Variants in CTNNBL1 observed in about 807,000 individuals in gnomAD.
CTNNBL1 encodes the protein beta-catenin-like protein 1.
In CTNNBL1, 31 loss-of-function variants were observed where a neutral mutation model predicts 72.7. The observed-to-expected ratio is 0.43, with a 90% CI of 0.32 to 0.58. The LOEUF (loss-of-function observed/expected upper bound fraction) is 0.58. Ranked by LOEUF, CTNNBL1 falls within the 20% of genes least tolerant of loss-of-function variation. The pLI, the probability that CTNNBL1 is intolerant of heterozygous loss-of-function variation, is 0.08. For missense variants in CTNNBL1, 534 were observed against 725.1 expected, an observed-to-expected ratio of 0.74 and a Z score of 3.03; for synonymous variants, 240 against 267.3, an observed-to-expected ratio of 0.90 and a Z score of 1.00.
intron 1 of CTNNBL1, among the ~76,000 whole-genome samples, chr20:37,700,094 G>C (rs1212076201): frequency 6.6e-6 from 1 of 152,160 alleles, no homozygotes; most frequent in Non-Finnish European, 1.5e-5. Flanking sequence ...TCATGTGGTA[G>C]ACTGAGTGGG....
At chr20:37,776,384 G>A (rs1226884385) in intron 7 of CTNNBL1, among the ~76,000 whole-genome samples, 2 of 152,136 alleles carry the variant, frequency 1.3e-5, no homozygotes, top group Non-Finnish European at 2.9e-5. Context: ...TGTGAATGGC[G>A]GTAAGGTGAC....
At chr20:37,719,801 C>T (rs1198033667) in intron 1 of CTNNBL1, among the ~76,000 whole-genome samples, 1 of 151,682 alleles carries the variant, frequency 6.6e-6, no homozygotes, top group African/African-American at 2.4e-5. Flanking sequence ...TCATGGCTGA[C>T]ATTTATACAA....
Position 37,765,284 on chromosome 20 carries a change from A to G in CTNNBL1, c.652A>G (p.Thr218Ala), listed in dbSNP as rs530483499. Residue 218 changes from threonine to alanine, a missense_variant, in exon 6 of 16, where the codon ACT becomes GCT. By Grantham distance (58) the Thr-to-Ala change is moderately conservative. Coordinates refer to ENST00000361383, the MANE Select transcript of CTNNBL1 (RefSeq NM_030877.5). Reference protein sequence around the residue: ...VKEEADGVHNTLAIVENMAEF... With the variant: ...VKEEADGVHNALAIVENMAEF... ...AGAGGAGGCAGATGGCGTCCACAAC[A>G]CTCTGGGTGAGAGGAAGGGTGCTTG... 6.3e-5 allele frequency: 98 copies of G among 1,547,798 alleles called. 1 individual carries two copies. The South Asian group carries it at 1.1e-3, about 18-fold the overall frequency.
Position 37,777,331 on chromosome 20 carries a change from C to T in CTNNBL1, c.751-14C>T, listed in dbSNP as rs2073583949. The T allele has an allele frequency of 6.2e-7, 1 of 1,610,750 alleles. No homozygotes were observed. The highest frequency in any genetic ancestry group is 1.7e-5 in the Admixed American group (1 of 59,982). On this transcript the variant is annotated splice_polypyrimidine_tract_variant and intron_variant, in intron 7 of 15. Transcript: ENST00000361383. ...CCCCTTAACATTTTTCTCATTTCTCCTATTTCCCCATAGGCAAAGATGCCT... is the reference window on the plus strand; with the variant it reads ...CCCCTTAACATTTTTCTCATTTCTCTTATTTCCCCATAGGCAAAGATGCCT...
intron 15 of CTNNBL1, among the ~76,000 whole-genome samples, chr20:37,863,755 C>T (rs1356718491): frequency 3.3e-5 from 5 of 152,142 alleles, no homozygotes; most frequent in Non-Finnish European, 7.3e-5. Flanking sequence ...CGGACATTCT[C>T]ATTAGTCCCT....
At chr20:37,793,915 G>A (rs537810384) in intron 10 of CTNNBL1, among the ~76,000 whole-genome samples, 95 of 152,164 alleles carry the variant, frequency 6.2e-4, no homozygotes, top group African/African-American at 2.3e-3. Flanking sequence ...CGAGTAGCTG[G>A]GACTACAGGC....
intron 7 of CTNNBL1, among the ~76,000 whole-genome samples, chr20:37,773,509 C>T (rs990303932): frequency 3.9e-5 from 6 of 152,234 alleles, no homozygotes; most frequent in African/African-American, 1.4e-4. Context: ...GAGAGCCCTA[C>T]AAGTTCCAAG....
intron 1 of CTNNBL1, among the ~76,000 whole-genome samples, chr20:37,714,943 C>T (rs901314484): frequency 9.9e-5 from 15 of 152,188 alleles, no homozygotes; most frequent in Middle Eastern, 3.4e-3. Context: ...GACAACAAAC[C>T]CAGAGATTTT....
chr20:37,702,334 TA>T (rs1450086146), intron 1 of CTNNBL1, among the ~76,000 whole-genome samples: 1 of 152,232 alleles, frequency 6.6e-6, no homozygotes, highest in Non-Finnish European at 1.5e-5. Flanking sequence ...CCTCATAAGG[TA>T]GTCATTGTAA....
At chr20:37,757,287 T>A (rs548205795) in intron 4 of CTNNBL1, among the ~76,000 whole-genome samples, 1 of 152,194 alleles carries the variant, frequency 6.6e-6, no homozygotes, top group Non-Finnish European at 1.5e-5. Flanking sequence ...TCCCAGGCGA[T>A]CTATTTAAAA....
At chr20:37,735,466 G>A (rs1032148960) in intron 2 of CTNNBL1, among the ~76,000 whole-genome samples, 3 of 152,236 alleles carry the variant, frequency 2.0e-5, no homozygotes, top group Non-Finnish European at 2.9e-5. Context: ...TTAGGAGATA[G>A]AATTAGCTGG....
intron 11 of CTNNBL1, among the ~76,000 whole-genome samples, chr20:37,804,359 C>T (rs933902409): frequency 1.3e-5 from 2 of 152,006 alleles, no homozygotes; most frequent in Non-Finnish European, 2.9e-5. Context: ...CTGCACTATT[C>T]GCTATCATAT....
intron 11 of CTNNBL1, among the ~76,000 whole-genome samples, chr20:37,836,344 T>C (rs1380072622): frequency 1.3e-5 from 2 of 152,198 alleles, no homozygotes; most frequent in African/African-American, 4.8e-5. Context: ...GGTAGGCCCT[T>C]GCCCCTGTTC....
At chr20:37,840,304 C>A in intron 12 of CTNNBL1, 105 bp downstream of exon 12, 4 of 821,982 alleles carry the variant, frequency 4.9e-6, no homozygotes, top group Admixed American at 4.4e-5. Context: ...CCCTAAAATT[C>A]TCTTTTCTGG....
chr20:37,745,708 C>A (rs1366724205), intron 3 of CTNNBL1, among the ~76,000 whole-genome samples: 1 of 152,170 alleles, frequency 6.6e-6, no homozygotes, highest in Non-Finnish European at 1.5e-5. Flanking sequence ...TGTTCAGTTG[C>A]CTTACACCAG....
At chr20:37,695,751 A>G (rs1446837259) in intron 1 of CTNNBL1, among the ~76,000 whole-genome samples, 4 of 152,180 alleles carry the variant, frequency 2.6e-5, no homozygotes, top group Non-Finnish European at 5.9e-5. Context: ...TCATCTGTAA[A>G]TGGGGGACAG....
rs753242321 is a variant in CTNNBL1 at position 37,779,283 on chromosome 20, C to A, written c.979C>A (p.Arg327Ser). 1.9e-6 allele frequency: 3 copies of A among 1,613,648 alleles called. No individual in the cohort carries two copies. The highest frequency in any genetic ancestry group is 1.3e-5 in the African/African-American group (1 of 74,898). ...CTCCTGTCTAATGCTTAGTTCCAATCGTGAGCGCTTCCTGAAGGGCGAGGG... is the reference window on the plus strand; with the variant it reads ...CTCCTGTCTAATGCTTAGTTCCAATAGTGAGCGCTTCCTGAAGGGCGAGGG... ...LCSCLMLSSN[R>S]ERFLKGEGLQ... The change falls in exon 10 of 16, where the codon CGT becomes AGT. Residue 327 changes from arginine to serine, a missense_variant. Physicochemically the swap from Arg to Ser is moderately radical, Grantham distance 110 (BLOSUM62 -1). Coordinates refer to ENST00000361383, the MANE Select transcript of CTNNBL1 (RefSeq NM_030877.5).
At chr20:37,721,160 T>G (rs952894937) in intron 1 of CTNNBL1, among the ~76,000 whole-genome samples, 5 of 152,264 alleles carry the variant, frequency 3.3e-5, no homozygotes, top group African/African-American at 1.2e-4. Context: ...TCTTCTTGGA[T>G]TCCATTATTG....
intron 2 of CTNNBL1, among the ~76,000 whole-genome samples, chr20:37,736,798 C>T (rs899503313): frequency 2.6e-5 from 4 of 152,068 alleles, no homozygotes; most frequent in African/African-American, 9.7e-5. Flanking sequence ...CTGAAGTGCC[C>T]AGTCTTTAAC....
Sources: allele counts gnomAD v4.1 joint callset (sites outside exome capture counted in the v4.1 genomes callset), GRCh38; gene constraint gnomAD v4.1.1; transcripts MANE v1.5; gene names NCBI Gene and HGNC (gene_info 2026-07-23, HGNC 2026-07-21).